The following RHEBL1 variants were observed in gnomAD, a reference collection of about 807,000 sequenced individuals.
RHEBL1 encodes RHEB like 1.
Under a neutral mutation model 27.4 loss-of-function variants are expected in RHEBL1, and 22 were observed. The ratio of observed to expected loss-of-function variants is 0.80; its 90% CI spans 0.57 to 1.15. RHEBL1 has a LOEUF of 1.15. Among genes scored for constraint, RHEBL1 ranks in the 50% most tolerant of loss-of-function variants. The pLI, the probability that RHEBL1 is intolerant of heterozygous loss-of-function variation, is 0.00. For synonymous variants in RHEBL1, 85 were observed against 80.8 expected, an observed-to-expected ratio of 1.05 and a Z score of -0.28; for missense variants, 186 against 226.5, an observed-to-expected ratio of 0.82 and a Z score of 1.15.
At chr12:49,069,218 C>T (rs1565840398) in intron 1 of RHEBL1, 112 bp from the exon 2 acceptor site, 1 of 1,574,300 alleles carries the variant, frequency 6.4e-7, no homozygotes, top group African/African-American at 1.3e-5. Flanking sequence ...ACACCACAGT[C>T]TGTGAGTGCC....
Position 49,066,255 on chromosome 12 carries a change from T to C in RHEBL1, c.356A>G (p.Asn119Ser). 6.2e-7 allele frequency: 1 copy of C among 1,614,012 alleles called. No homozygotes were observed. The highest frequency in any genetic ancestry group is 1.1e-5 in the South Asian group (1 of 91,076). The change falls in exon 6 of 8, where the codon AAC (asparagine) becomes AGC (serine). Residue 119 changes from asparagine (N) to serine (S), a missense_variant. Transcript: ENST00000301068. Reference protein sequence around the residue: ...KTRVPVVLVGNKADLSPEREV... With the variant: ...KTRVPVVLVGSKADLSPEREV... ...CCTCTCTGGAGAGAGATCTGCCTTG[T>C]TCCCCACTAGAACCACTGGCACCCT...
At chr12:49,067,911 T>C (rs574915094) in intron 2 of RHEBL1, among the ~76,000 whole-genome samples, 1 of 152,326 alleles carries the variant, frequency 6.6e-6, no homozygotes, top group Admixed American at 6.5e-5. Flanking sequence ...TCTGGAATAT[T>C]CATCACCTTA....
Position 49,066,476 on chromosome 12 carries a change from C to G in RHEBL1, c.332G>C (p.Arg111Pro). 6.2e-7 allele frequency: 1 copy of G among 1,614,040 alleles called. No individual in the cohort carries two copies. Among genetic ancestry groups the G allele is most frequent in the South Asian group, 1.1e-5 (1 of 91,078 alleles). Reference protein sequence around the residue: ...QKLHEGHGKTRVPVVLVGNKA... With the variant: ...QKLHEGHGKTPVPVVLVGNKA... ...GTCCCTATCCCCCAGGGCCACTTAC[C>G]GGGTTTTCCCATGGCCTTCATGTAG... Residue 111 changes from arginine (R) to proline (P), a missense_variant and splice_region_variant, in exon 5 of 8, where the codon CGG becomes CCG. This residue lies in a region of RHEBL1 where 90 missense variants were observed against 95.2 expected (regional missense o/e 0.95). Transcript: ENST00000301068.
intron 2 of RHEBL1, among the ~76,000 whole-genome samples, chr12:49,068,358 T>C (rs1308934101): frequency 6.6e-6 from 1 of 151,262 alleles, no homozygotes; most frequent in African/African-American, 2.4e-5. Context: ...CTCGAACTCT[T>C]GACCTCAGGT....
chr12:49,065,054 T>C lies in RHEBL1; in HGVS notation c.*49A>G. The C allele has an allele frequency of 7.3e-7, 1 of 1,373,104 alleles. No individual in the cohort carries two copies. The highest frequency in any genetic ancestry group is 1.0e-6 in the Non-Finnish European group (1 of 960,744). 85.1% of individuals were successfully genotyped at this position (1,373,104 alleles called of 1,614,324 possible). ...TGAGGATCTGCCCCCCACTGGAACA[T>C]GGCAAGTGCCGGGGGCAGAAGCAAG... On this transcript the variant is annotated 3_prime_UTR_variant, in exon 8 of 8. Transcript: ENST00000301068.
chr12:49,064,958 G>A lies in RHEBL1; in HGVS notation c.*145C>T. On this transcript the variant is annotated 3_prime_UTR_variant, in exon 8 of 8. Transcript: ENST00000301068. The stretch of plus-strand genomic sequence containing the variant: ...GGCCACTGGAGCCTGGGGAAAGTGT[G>A]CAAACATGAGGATGCCACACTGTGT... 1 of 641,908 alleles carries A rather than the reference G, an allele frequency of 1.6e-6. No individual in the cohort carries two copies. The highest frequency in any genetic ancestry group is 2.5e-5 in the Admixed American group (1 of 39,812). The allele number at this position is 641,908 out of a possible 1,614,324, so 39.8% of individuals were successfully genotyped here.
In RHEBL1 at chr12:49,065,014, A is replaced by G. The variant is rs1311293286; in HGVS notation, c.*89T>C. 1.1e-6 allele frequency: 1 copy of G among 933,552 alleles called. No homozygotes were observed. Among genetic ancestry groups the G allele is most frequent in the Non-Finnish European group, 1.8e-6 (1 of 569,108 alleles). The allele number at this position is 933,552 out of a possible 1,614,324, so 57.8% of individuals were successfully genotyped here. ...GGGGCCAGGAACACAGCTGGCAACC[A>G]TACCCGTGAAGTCCTGAGGATCTGC... On this transcript the variant is annotated 3_prime_UTR_variant, in exon 8 of 8. Transcript: ENST00000301068.
chr12:49,066,340 A>T (rs1053855900), intron 5 of RHEBL1, 62 bp from the exon 6 acceptor site: 2 of 1,577,026 alleles, frequency 1.3e-6, no homozygotes, highest in African/African-American at 2.7e-5. Context: ...AACTCCTTAC[A>T]TCAAGGCTGG....
In RHEBL1 at chr12:49,065,422, C is replaced by G; in HGVS notation, c.390G>C (p.Gln130His). The change falls in exon 7 of 8, where the codon CAG (glutamine) becomes CAC (histidine). Residue 130 changes from glutamine to histidine, a missense_variant. Gln to His is a conservative substitution (Grantham distance 24). This residue lies in a region of RHEBL1 where 90 missense variants were observed against 95.2 expected (regional missense o/e 0.95). Transcript: ENST00000301068. ...CTGCCAGCTTCTTTCCTTCAACTGC[C>G]TGTACCTCTCTGGAAGCAAATTTGG... is the stretch of plus-strand genomic sequence containing the variant. Reference protein sequence around the residue: ...KADLSPEREVQAVEGKKLAES... With the variant: ...KADLSPEREVHAVEGKKLAES... 2 of 1,614,104 alleles carry G rather than the reference C, an allele frequency of 1.2e-6. No homozygotes were observed. Among genetic ancestry groups the G allele is most frequent in the Non-Finnish European group, 1.7e-6 (2 of 1,179,974 alleles).
chr12:49,066,743 C>G (rs775122992), intron 3 of RHEBL1, 42 bp from the exon 4 acceptor site: 1 of 1,570,196 alleles, frequency 6.4e-7, no homozygotes, highest in South Asian at 1.1e-5. Flanking sequence ...ATCCAAACCA[C>G]TAAGATGGCA....
At position 49,064,875 on chromosome 12, in the gene RHEBL1, A is replaced by ACACT; in HGVS notation, c.*227_*228insAGTG. 1 of 550,244 alleles carries ACACT rather than the reference A, an allele frequency of 1.8e-6. No homozygotes were observed. Among genetic ancestry groups the ACACT allele is most frequent in the Admixed American group, 3.1e-5 (1 of 32,682 alleles). 34.1% of individuals were successfully genotyped at this position (550,244 alleles called of 1,614,324 possible). A position where few individuals can be genotyped will look rare whatever the true frequency, so the allele number is the denominator to read the frequency against. ...AACAGAATTCATCAAACAAAAACAG[A>ACACT]GGGCTAGAGGCCAGTGTCCATGAGA... On this transcript the variant is annotated 3_prime_UTR_variant, in exon 8 of 8. Coordinates refer to ENST00000301068, the MANE Select transcript of RHEBL1 (RefSeq NM_144593.3).
intron 5 of RHEBL1, 99 bp from the exon 6 acceptor site, chr12:49,066,377 T>C: frequency 6.5e-7 from 1 of 1,538,578 alleles, no homozygotes; most frequent in Non-Finnish European, 9.0e-7. Context: ...CCAGGCAGGA[T>C]CTATATCCGA....
Position 49,069,019 on chromosome 12 carries a change from G to A in RHEBL1, c.124+16C>T, listed in dbSNP as rs1233979364. The A allele has an allele frequency of 6.2e-7, 1 of 1,609,174 alleles. No homozygotes were observed. On this transcript the variant is annotated intron_variant, in intron 2 of 7. Transcript: ENST00000301068. ...GGTCGCATACCACCAGCACACTAGGGGAGAAGTCTACTCACTATTCTCCAC... is the reference window on the plus strand; with the variant it reads ...GGTCGCATACCACCAGCACACTAGGAGAGAAGTCTACTCACTATTCTCCAC...
Position 49,065,047 on chromosome 12 carries a change from TGG to T in RHEBL1, c.*54_*55del, listed in dbSNP as rs1938972752. The T allele has an allele frequency of 1.5e-6, 2 of 1,311,672 alleles. No homozygotes were observed. The highest frequency in any genetic ancestry group is 3.4e-5 in the Admixed American group (2 of 59,532). 81.3% of individuals were successfully genotyped at this position (1,311,672 alleles called of 1,614,324 possible). ...GAAGTCCTGAGGATCTGCCCCCCAC[TGG>T]AACATGGCAAGTGCCGGGGGCAGAA... is the stretch of plus-strand genomic sequence containing the variant. On this transcript the variant is annotated 3_prime_UTR_variant, in exon 8 of 8. Transcript: ENST00000301068.
In RHEBL1 at chr12:49,069,868, G is replaced by T; in HGVS notation, c.-83C>A. 1 of 1,253,960 alleles carries T rather than the reference G, an allele frequency of 8.0e-7. No homozygotes were observed. The highest frequency in any genetic ancestry group is 1.2e-6 in the Non-Finnish European group (1 of 863,268). 77.7% of individuals were successfully genotyped at this position (1,253,960 alleles called of 1,614,324 possible). A position where few individuals can be genotyped will look rare whatever the true frequency, so the allele number is the denominator to read the frequency against. ...GGTCAGGGTGTGAGCAGGCGCGGCA[G>T]CTGGTGCAGGAAAGTCGCTCACCCC... On this transcript the variant is annotated 5_prime_UTR_variant, in exon 1 of 8. It adds an upstream start codon to the 5' untranslated region. Coordinates refer to ENST00000301068, the MANE Select transcript of RHEBL1 (RefSeq NM_144593.3).
intron 1 of RHEBL1, among the ~76,000 whole-genome samples, 184 bp downstream of exon 1, chr12:49,069,550 A>G (rs1218968490): frequency 6.7e-6 from 1 of 149,626 alleles, no homozygotes; most frequent in Non-Finnish European, 1.5e-5. Flanking sequence ...CGCTTCCTGC[A>G]GCCTCCACAC....
In RHEBL1 at chr12:49,065,041, C is replaced by T. The variant is rs1291420781; in HGVS notation, c.*62G>A. On this transcript the variant is annotated 3_prime_UTR_variant, in exon 8 of 8. Coordinates refer to ENST00000301068, the MANE Select transcript of RHEBL1 (RefSeq NM_144593.3). ...ACCCGTGAAGTCCTGAGGATCTGCC[C>T]CCCACTGGAACATGGCAAGTGCCGG... 1.1e-5 allele frequency: 13 copies of T among 1,222,930 alleles called. No individual in the cohort carries two copies. Among genetic ancestry groups the T allele is most frequent in the Non-Finnish European group, 1.5e-5 (12 of 824,320 alleles). 75.8% of individuals were successfully genotyped at this position (1,222,930 alleles called of 1,614,324 possible).
chr12:49,069,826 A>C lies in RHEBL1; in HGVS notation c.-41T>G. 1 of 1,585,670 alleles carries C rather than the reference A, an allele frequency of 6.3e-7. No individual in the cohort carries two copies. Among genetic ancestry groups the C allele is most frequent in the Non-Finnish European group, 8.7e-7 (1 of 1,155,190 alleles). On this transcript the variant is annotated 5_prime_UTR_variant, in exon 1 of 8. Transcript: ENST00000301068. ...CAGGGGCTTGCGGAACTGCGGGCTC[A>C]GAGAGCCCGAAAACGAGGTCAGGGT...
intron 7 of RHEBL1, 59 bp from the exon 8 acceptor site, chr12:49,065,251 G>A (rs1426404981): frequency 6.5e-7 from 1 of 1,549,922 alleles, no homozygotes; most frequent in East Asian, 2.2e-5. Context: ...ACCCAGCTCT[G>A]GGGTGAAAGC....
Sources: allele counts gnomAD v4.1 joint callset (sites outside exome capture counted in the v4.1 genomes callset), GRCh38; gene constraint gnomAD v4.1.1; regional missense constraint gnomAD v4.1.1; transcripts MANE v1.5; gene names NCBI Gene and HGNC (gene_info 2026-07-23, HGNC 2026-07-21).